RAD51C: variants seen among roughly 807,000 people sequenced by gnomAD.
The protein encoded by RAD51C is DNA repair protein RAD51 homolog 3.
In RAD51C, 42 loss-of-function variants were observed where a neutral mutation model predicts 45.0. That is an observed-to-expected ratio of 0.93 (90% confidence interval 0.73 to 1.21). RAD51C has a LOEUF of 1.21. Among genes scored for constraint, RAD51C ranks in the 50% most tolerant of loss-of-function variants. RAD51C has a pLI of 0.00. For synonymous variants in RAD51C, 172 were observed against 159.8 expected, an observed-to-expected ratio of 1.08 and a Z score of -0.58; for missense variants, 474 against 452.2, an observed-to-expected ratio of 1.05 and a Z score of -0.44.
At chr17:58,708,845 G>C (rs1312403740) in intron 4 of RAD51C, among the ~76,000 whole-genome samples, 13 of 151,888 alleles carry the variant, frequency 8.6e-5, no homozygotes, top group Admixed American at 7.2e-4. Context: ...TGGGATTACA[G>C]ATGTGAGCCA....
chr17:58,694,210 C>T (rs559869748), intron 1 of RAD51C: 1 of 148,712 alleles, frequency 6.7e-6, no homozygotes, highest in East Asian at 2.1e-4. Context: ...TGCATATGTG[C>T]TTCTTAAAGT....
chr17:58,727,205 A>G (rs111516881), intron 7 of RAD51C, among the ~76,000 whole-genome samples: 2 of 149,582 alleles, frequency 1.3e-5, no homozygotes, highest in African/African-American at 2.5e-5. Context: ...GCTCACTTCA[A>G]CCTCCACTTC....
At chr17:58,706,049 T>C (rs2048367826) in intron 4 of RAD51C, 1 of 152,076 alleles carries the variant, frequency 6.6e-6, no homozygotes, top group Admixed American at 6.6e-5. Context: ...CAAAATACAA[T>C]AGTAGGAAAT....
At chr17:58,725,018 A>T (rs934341322) in intron 7 of RAD51C, among the ~76,000 whole-genome samples, 2 of 152,220 alleles carry the variant, frequency 1.3e-5, no homozygotes, top group Non-Finnish European at 2.9e-5. Context: ...CCTGAAGCTC[A>T]TAACAGAATG....
chr17:58,704,836 C>A (rs568116709), intron 4 of RAD51C, among the ~76,000 whole-genome samples: 1 of 152,072 alleles, frequency 6.6e-6, no homozygotes, highest in Non-Finnish European at 1.5e-5. Flanking sequence ...TCATCCTGAC[C>A]TTTTGAATAT....
At chr17:58,717,328 G>A (rs2048774224) in intron 5 of RAD51C, among the ~76,000 whole-genome samples, 1 of 152,192 alleles carries the variant, frequency 6.6e-6, no homozygotes, top group Admixed American at 6.5e-5. Flanking sequence ...TACTGGGGAA[G>A]CTAAGGCAGG....
chr17:58,722,715 T>C (rs2048961922), intron 6 of RAD51C, among the ~76,000 whole-genome samples: 1 of 152,160 alleles, frequency 6.6e-6, no homozygotes, highest in African/African-American at 2.4e-5. Flanking sequence ...TGTATGAAAA[T>C]AAGATGGCTG....
In RAD51C at chr17:58,696,690, C is replaced by T. The variant is rs770815835; in HGVS notation, c.405-3C>T. 2 of 1,614,154 alleles carry T rather than the reference C, an allele frequency of 1.2e-6. No individual in the cohort carries two copies. Among genetic ancestry groups the T allele is most frequent in the South Asian group, 1.1e-5 (1 of 91,086 alleles). The stretch of plus-strand genomic sequence containing the variant: ...TGGTTGTTTGTCATCTTTCTGTTGA[C>T]AGTATGCAGTTGGCAGTAGATGTGC... On this transcript the variant is annotated splice_polypyrimidine_tract_variant and splice_region_variant and intron_variant, in intron 2 of 8. Transcript: ENST00000337432.
In RAD51C at chr17:58,724,219, C is replaced by A; in HGVS notation, c.965+119C>A. 3.2e-6 allele frequency: 3 copies of A among 929,818 alleles called. No individual in the cohort carries two copies. The South Asian group carries it at 4.2e-5, about 13-fold the overall frequency. 57.6% of individuals were successfully genotyped at this position (929,818 alleles called of 1,614,324 possible). A position where few individuals can be genotyped will look rare whatever the true frequency, so the allele number is the denominator to read the frequency against. ...ATATACAGTGACCCATGAAGTGACA[C>A]TTTTGTTGCCTTGTCTGATATCACC... On this transcript the variant is annotated intron_variant, in intron 7 of 8. Transcript: ENST00000337432.
chr17:58,713,275 C>G (rs1276481091), intron 5 of RAD51C, among the ~76,000 whole-genome samples: 1 of 152,086 alleles, frequency 6.6e-6, no homozygotes, highest in Non-Finnish European at 1.5e-5. Context: ...CTGCTTTACA[C>G]TAACAGCTGC....
rs1175921675 is a variant in RAD51C at position 58,735,294 on chromosome 17, C to G, written c.*1072C>G. 1 of 152,300 alleles carries G rather than the reference C, an allele frequency of 6.6e-6. No homozygotes were observed. The highest frequency in any genetic ancestry group is 2.4e-5 in the African/African-American group (1 of 41,430). The allele number at this position is 152,300 out of a possible 1,614,324, so 9.4% of individuals were successfully genotyped here. On this transcript the variant is annotated 3_prime_UTR_variant, in exon 9 of 9. Transcript: ENST00000337432. ...CACTGCAGCCTCGACCTCCCGGGCT[C>G]AAGCAATCCTCTCACTTCAGCCTCC...
intron 7 of RAD51C, among the ~76,000 whole-genome samples, chr17:58,729,538 A>G (rs1025642368): frequency 6.7e-6 from 1 of 150,136 alleles, no homozygotes; most frequent in Non-Finnish European, 1.5e-5. Context: ...CAACCTGAAT[A>G]ATTAATGCCC....
intron 3 of RAD51C, among the ~76,000 whole-genome samples, chr17:58,699,315 C>A (rs1337113331): frequency 6.6e-6 from 1 of 151,992 alleles, no homozygotes; most frequent in Non-Finnish European, 1.5e-5. Flanking sequence ...CTATTGTTTT[C>A]TTTTTCTTTG....
intron 4 of RAD51C, among the ~76,000 whole-genome samples, chr17:58,704,880 C>G (rs2048325868): frequency 6.6e-6 from 1 of 151,950 alleles, no homozygotes; most frequent in Non-Finnish European, 1.5e-5. Flanking sequence ...AATGCCATCT[C>G]TTTGTTATTT....
chr17:58,725,456 C>T (rs1006926433), intron 7 of RAD51C, among the ~76,000 whole-genome samples: 6 of 152,136 alleles, frequency 3.9e-5, no homozygotes, highest in Non-Finnish European at 1.5e-5. Flanking sequence ...AGTTAGTATA[C>T]AGTAGTCTTC....
intron 4 of RAD51C, chr17:58,705,863 A>G (rs1349757989): frequency 8.2e-6 from 1 of 122,546 alleles, no homozygotes; most frequent in African/African-American, 3.3e-5. Flanking sequence ...TCTTGTATCC[A>G]TTCCATCCAC....
intron 7 of RAD51C, among the ~76,000 whole-genome samples, chr17:58,730,848 G>T (rs1352031736): frequency 6.6e-6 from 1 of 151,946 alleles, no homozygotes; most frequent in Non-Finnish European, 1.5e-5. Flanking sequence ...CTGGCATTAG[G>T]TACATTCATA....
intron 7 of RAD51C, among the ~76,000 whole-genome samples, chr17:58,731,530 A>C (rs185863080): frequency 6.6e-6 from 1 of 152,316 alleles, no homozygotes; most frequent in Admixed American, 6.5e-5. Context: ...AAGTGCTGGG[A>C]TTGCAGGCGT....
At chr17:58,714,303 G>A (rs1444966451) in intron 5 of RAD51C, among the ~76,000 whole-genome samples, 1 of 151,722 alleles carries the variant, frequency 6.6e-6, no homozygotes, top group African/African-American at 2.4e-5. Flanking sequence ...ATTTCTTAAA[G>A]TGAAAATATT....
Sources: allele counts gnomAD v4.1 joint callset (sites outside exome capture counted in the v4.1 genomes callset), GRCh38; gene constraint gnomAD v4.1.1; transcripts MANE v1.5; gene names NCBI Gene and HGNC (gene_info 2026-07-23, HGNC 2026-07-21).